DHX58: variants seen among roughly 807,000 people sequenced by gnomAD.
DHX58 encodes DExH-box helicase 58.
In DHX58, 51 loss-of-function variants were observed where a neutral mutation model predicts 65.0. The observed-to-expected ratio is 0.78, with a 90% CI of 0.63 to 0.99. The LOEUF (loss-of-function observed/expected upper bound fraction) is 0.99, where lower values mean the gene tolerates loss of function less well. Among genes scored for constraint, DHX58 ranks in the 50% least tolerant of loss-of-function variants. DHX58 has a pLI of 0.00. For missense variants in DHX58, 773 were observed against 891.8 expected (o/e 0.87, Z 1.70); for synonymous variants, 350 against 365.0 (o/e 0.96, Z 0.47).
intron 11 of DHX58, 99 bp from the exon 12 acceptor site, chr17:42,103,897 G>A (rs1402667169): frequency 3.0e-6 from 4 of 1,333,410 alleles, no homozygotes; most frequent in African/African-American, 1.5e-5. Context: ...GTACCTGGAA[G>A]AGACTTTCCT....
intron 11 of DHX58, among the ~76,000 whole-genome samples, chr17:42,104,528 C>T (rs1283977256): frequency 6.6e-6 from 1 of 152,162 alleles, no homozygotes; most frequent in Non-Finnish European, 1.5e-5. Context: ...TAAAGTATCT[C>T]ATGGCAAAGA....
At position 42,105,967 on chromosome 17, in the gene DHX58, GT is replaced by G; in HGVS notation, c.1019del (p.His340ProfsTer64). Reference protein sequence around the residue: ...LFDDRKNELAHLATHGPENPK... With the variant: ...LFDDRKNELAXLATHGPENPK... ...GATTCTCTGGGCCATGAGTTGCCAA[GT>G]GGGCCAGCTCATTCTTGCGGTCTGT... On this transcript the variant is annotated frameshift_variant, in exon 9 of 14. Coordinates refer to ENST00000251642, the MANE Select transcript of DHX58 (RefSeq NM_024119.3). LOFTEE classifies it high-confidence loss of function. 1 of 1,613,518 alleles carries G rather than the reference GT, an allele frequency of 6.2e-7. No homozygotes were observed. The highest frequency in any genetic ancestry group is 8.5e-7 in the Non-Finnish European group (1 of 1,179,858).
Position 42,104,938 on chromosome 17 carries a change from A to G in DHX58, c.1402-11T>C. On this transcript the variant is annotated splice_polypyrimidine_tract_variant and intron_variant, in intron 10 of 13. Coordinates refer to ENST00000251642, the MANE Select transcript of DHX58 (RefSeq NM_024119.3). ...GGCACGGCCCCTGGCCTGGGAAGAG[A>G]GACAAGGGGTGTCCTGAGTTGGGCT... is the stretch of plus-strand genomic sequence containing the variant. 6.2e-7 allele frequency: 1 copy of G among 1,613,888 alleles called. No homozygotes were observed.
chr17:42,107,658 C>T lies in DHX58; in HGVS notation c.943G>A (p.Val315Ile), dbSNP rs201457434. 1.2e-6 allele frequency: 2 copies of T among 1,612,776 alleles called. No homozygotes were observed. The highest frequency in any genetic ancestry group is 1.7e-5 in the Admixed American group (1 of 59,932). ...GCACACAGGATCTGGGTTTTAGTGA[C>T]GTGCTCCCTGTGATAGAAATCCTGC... ...ALQDFYHREH[V>I]TKTQILCAER... The change falls in exon 8 of 14, where the codon GTC (valine) becomes ATC (isoleucine). Residue 315 changes from valine (V) to isoleucine (I), a missense_variant. Val to Ile is a conservative substitution (Grantham distance 29, BLOSUM62 3). Coordinates refer to ENST00000251642, the MANE Select transcript of DHX58 (RefSeq NM_024119.3).
Position 42,102,223 on chromosome 17 carries a change from C to T in DHX58, c.1844G>A (p.Cys615Tyr). The T allele has an allele frequency of 6.2e-7, 1 of 1,614,188 alleles. No homozygotes were observed. The highest frequency in any genetic ancestry group is 8.5e-7 in the Non-Finnish European group (1 of 1,180,020). The change falls in exon 13 of 14, where the codon TGT becomes TAT. Residue 615 changes from cysteine (C) to tyrosine (Y), a missense_variant. Coordinates refer to ENST00000251642, the MANE Select transcript of DHX58 (RefSeq NM_024119.3). ...KPGGVISCRNCGEVWGLQMIY... is the reference protein window; with the variant it reads ...KPGGVISCRNYGEVWGLQMIY... ...CGTGGCCTAAGCTCTTACCTCCCCA[C>T]AGTTCCTGCAGCTGATGACACCCCC...
intron 8 of DHX58, 96 bp downstream of exon 8, chr17:42,107,508 C>A: frequency 7.3e-7 from 1 of 1,367,270 alleles, no homozygotes; most frequent in Non-Finnish European, 9.7e-7. Context: ...TCCTCACGGG[C>A]ACCTTCCCAT....
chr17:42,106,242 GAAA>G (rs1250075861), intron 8 of DHX58, among the ~76,000 whole-genome samples: 1 of 123,806 alleles, frequency 8.1e-6, no homozygotes, highest in East Asian at 2.6e-4. Flanking sequence ...GGGAAAGAAA[GAAA>G]AAAAGGAAAA....
At position 42,101,695 on chromosome 17, in the gene DHX58, C is replaced by T. The variant is rs1161346510; in HGVS notation, c.*66G>A. ...CAGCTGATGATTCAGGAAGGAGGGGCCTGGAGTCTGCTGCAGACTCTCCCG... is the reference window on the plus strand; with the variant it reads ...CAGCTGATGATTCAGGAAGGAGGGGTCTGGAGTCTGCTGCAGACTCTCCCG... On this transcript the variant is annotated 3_prime_UTR_variant, in exon 14 of 14. Coordinates refer to ENST00000251642, the MANE Select transcript of DHX58 (RefSeq NM_024119.3). 1 of 1,565,086 alleles carries T rather than the reference C, an allele frequency of 6.4e-7. No homozygotes were observed. The highest frequency in any genetic ancestry group is 1.3e-5 in the African/African-American group (1 of 74,182).
In DHX58 at chr17:42,103,743, C is replaced by T. The variant is rs782146852; in HGVS notation, c.1619G>A (p.Arg540Gln). 9.3e-6 allele frequency: 15 copies of T among 1,612,816 alleles called. No individual in the cohort carries two copies. The highest frequency in any genetic ancestry group is 2.2e-5 in the East Asian group (1 of 44,876). ...TGGGAACTGCTGCCGCTGGTTCTCCCGCTGGGCTGCCTGGGCCGCCCGCTT... is the reference window on the plus strand; with the variant it reads ...TGGGAACTGCTGCCGCTGGTTCTCCTGCTGGGCTGCCTGGGCCGCCCGCTT... ...LTKRAAQAAQ[R>Q]ENQRQQFPVE... is the part of the protein sequence containing the mutation. The change falls in exon 12 of 14, where the codon CGG (arginine) becomes CAG (glutamine). Residue 540 changes from arginine to glutamine, a missense_variant. Coordinates refer to ENST00000251642, the MANE Select transcript of DHX58 (RefSeq NM_024119.3).
At chr17:42,108,230 G>A in intron 6 of DHX58, 122 bp from the exon 7 acceptor site, 1 of 1,466,586 alleles carries the variant, frequency 6.8e-7, no homozygotes, top group South Asian at 1.3e-5. Context: ...TAGCTGTGGT[G>A]TGAGCTCCAG....
At chr17:42,109,131 A>C in intron 6 of DHX58, 139 bp downstream of exon 6, 1 of 681,080 alleles carries the variant, frequency 1.5e-6, no homozygotes, top group Non-Finnish European at 2.4e-6. Flanking sequence ...CCCATTTCAC[A>C]GAAAGGAGAA....
At position 42,107,738 on chromosome 17, in the gene DHX58, T is replaced by G; in HGVS notation, c.863A>C (p.Asn288Thr). 6.2e-7 allele frequency: 1 copy of G among 1,604,818 alleles called. No individual in the cohort carries two copies. Among genetic ancestry groups the G allele is most frequent in the Non-Finnish European group, 8.5e-7 (1 of 1,175,522 alleles). The change falls in exon 8 of 14, where the codon AAT becomes ACT. Residue 288 changes from asparagine to threonine, a missense_variant. Transcript: ENST00000251642. ...GGTGTCATGGATGAGCAGCGCGTCA[T>G]TGTAGCGCCTCAGGTGAAGCGCATA... ...RVYALHLRRY[N>T]DALLIHDTVR...
chr17:42,106,126 T>A, intron 8 of DHX58, 137 bp from the exon 9 acceptor site: 1 of 807,718 alleles, frequency 1.2e-6, no homozygotes, highest in Non-Finnish European at 1.8e-6. Context: ...ACCACTGCAC[T>A]CCAGGCTGTG....
At chr17:42,106,840 G>A (rs1555662815) in intron 8 of DHX58, among the ~76,000 whole-genome samples, 2 of 151,614 alleles carry the variant, frequency 1.3e-5, no homozygotes, top group African/African-American at 2.4e-5. Flanking sequence ...GCCTCCTACC[G>A]AGCCCACTCT....
rs960604599 is a variant in DHX58, at chr17:42,105,135, T to C, written c.1284A>G (p.Gln428=). The change falls in exon 10 of 14, where the codon CAA becomes CAG. Residue 428 remains glutamine (Q), a synonymous_variant. Transcript: ENST00000251642. ...RDQQEVIQKF[Q]DGTLNLLVAT... Reference sequence around the variant, plus strand: ...CCACCAGAAGGTTCAGGGTTCCATCTTGGAACTTCTGGATCACTTCTTGCT... The same window carrying C: ...CCACCAGAAGGTTCAGGGTTCCATCCTGGAACTTCTGGATCACTTCTTGCT... 3 of 1,613,884 alleles carry C rather than the reference T, an allele frequency of 1.9e-6. No individual in the cohort carries two copies. The highest frequency in any genetic ancestry group is 1.7e-6 in the Non-Finnish European group (2 of 1,179,920).
rs200380922 is a variant in DHX58 at position 42,104,835 on chromosome 17, C to T, written c.1494G>A (p.Ala498=). ...RELKRELINE[A]LETLMEQAVA... is the part of the protein sequence containing the mutation. ...CTGCCTGCTCCATCAGCGTCTCCAG[C>T]GCCTCGTTGATCAGCTCCCGCTTCA... Residue 498 remains alanine, a synonymous_variant, in exon 11 of 14, where the codon GCG becomes GCA. Transcript: ENST00000251642. 6.8e-6 allele frequency: 11 copies of T among 1,614,022 alleles called. No homozygotes were observed. Among genetic ancestry groups the T allele is most frequent in the African/African-American group, 1.3e-5 (1 of 74,914 alleles).
Position 42,104,834 on chromosome 17 carries a change from G to A in DHX58, c.1495C>T (p.Leu499=), listed in dbSNP as rs369172375. The part of the protein sequence containing the change: ...ELKRELINEA[L]ETLMEQAVAA... ...ACTGCCTGCTCCATCAGCGTCTCCAGCGCCTCGTTGATCAGCTCCCGCTTC... is the reference window on the plus strand; with the variant it reads ...ACTGCCTGCTCCATCAGCGTCTCCAACGCCTCGTTGATCAGCTCCCGCTTC... The change falls in exon 11 of 14, where the codon CTG becomes TTG. Residue 499 remains leucine (L), a synonymous_variant. Coordinates refer to ENST00000251642, the MANE Select transcript of DHX58 (RefSeq NM_024119.3). 17 of 1,614,004 alleles carry A rather than the reference G, an allele frequency of 1.1e-5. No individual in the cohort carries two copies. The highest frequency in any genetic ancestry group is 1.4e-5 in the Non-Finnish European group (16 of 1,180,004).
Position 42,103,601 on chromosome 17 carries a change from G to T in DHX58, c.1754+7C>A. ...CCCATCCCAGTAGCCCCTTCCACAG[G>T]TCTCACGAGAAGTTGGGGTTCACAT... On this transcript the variant is annotated splice_region_variant and intron_variant, in intron 12 of 13. Transcript: ENST00000251642. 3 of 1,613,944 alleles carry T rather than the reference G, an allele frequency of 1.9e-6. No homozygotes were observed. Among genetic ancestry groups the T allele is most frequent in the Admixed American group, 1.7e-5 (1 of 60,020 alleles).
intron 9 of DHX58, among the ~76,000 whole-genome samples, 195 bp from the exon 10 acceptor site, chr17:42,105,362 C>T (rs1265462704): frequency 6.6e-6 from 1 of 152,014 alleles, no homozygotes; most frequent in Non-Finnish European, 1.5e-5. Context: ...CTGTCCAACC[C>T]CTATCTTCCC....
Sources: allele counts gnomAD v4.1 joint callset (sites outside exome capture counted in the v4.1 genomes callset), GRCh38; gene constraint gnomAD v4.1.1; transcripts MANE v1.5; gene names NCBI Gene and HGNC (gene_info 2026-07-23, HGNC 2026-07-21).